The following FAM151A variants were observed in gnomAD, a reference collection of about 807,000 sequenced individuals.
The protein encoded by FAM151A is family with sequence similarity 151 member A.
In FAM151A, 41 loss-of-function variants were observed where a neutral mutation model predicts 40.4. That is an observed-to-expected ratio of 1.01 (90% CI 0.79 to 1.32). The LOEUF is 1.32. Ranked by LOEUF, FAM151A falls within the 40% of genes most tolerant of loss-of-function variation. The pLI is 0.00. For synonymous variants in FAM151A, 337 were observed against 312.5 expected (o/e 1.08, Z -0.83); for missense variants, 740 against 740.4 (o/e 1.00, Z 0.01).
chr1:54,617,585 G>A (rs528265109), intron 2 of FAM151A, among the ~76,000 whole-genome samples: 1 of 151,028 alleles, frequency 6.6e-6, no homozygotes, highest in Non-Finnish European at 1.5e-5. Context: ...TTCATCTCAC[G>A]TTCCACTCTC....
Position 54,614,802 on chromosome 1 carries a change from C to A in FAM151A, c.473G>T (p.Arg158Leu), listed in dbSNP as rs150113940. The change falls in exon 4 of 8, where the codon CGG (arginine) becomes CTG (leucine). Residue 158 changes from arginine (R) to leucine (L), a missense_variant. Transcript: ENST00000302250. The part of the protein sequence containing the change: ...KAVGPSLDLL[R>L]QLTEEGKVRR... ...GACTTTGCCTTCCTCTGTCAGCTGC[C>A]GCAGGAGGTCCAGGGAGGGGCCCAC... The A allele has an allele frequency of 2.5e-6, 4 of 1,614,058 alleles. No homozygotes were observed. The East Asian group carries it at 8.9e-5, about 36-fold the overall frequency.
chr1:54,609,716 AAGAGGCCAAGGCTGG>A lies in FAM151A; in HGVS notation c.1295_1309del (p.Ser432_Leu436del), dbSNP rs1557668302. 1 of 1,614,132 alleles carries A rather than the reference AAGAGGCCAAGGCTGG, an allele frequency of 6.2e-7. No homozygotes were observed. The highest frequency in any genetic ancestry group is 8.5e-7 in the Non-Finnish European group (1 of 1,180,008). On this transcript the variant is annotated inframe_deletion, in exon 8 of 8. Coordinates refer to ENST00000302250, the MANE Select transcript of FAM151A (RefSeq NM_176782.3). ...GGCCCCAACCCACACAGGCCAATGC[AAGAGGCCAAGGCTGG>A]AGAGGCGTGCCAGCAAGGCCAGGGA...
intron 6 of FAM151A, 28 bp downstream of exon 6, chr1:54,611,578 C>CA (rs1557669467): frequency 1.2e-6 from 2 of 1,612,022 alleles, no homozygotes; most frequent in Non-Finnish European, 1.7e-6. Context: ...ATCCAGCCCA[C>CA]ACCACCCTTC....
chr1:54,615,458 G>A (rs1035053433), intron 3 of FAM151A, among the ~76,000 whole-genome samples: 5 of 152,142 alleles, frequency 3.3e-5, no homozygotes, highest in African/African-American at 9.7e-5. Context: ...CTTCAGGTGC[G>A]TGTGTGTGGT....
chr1:54,617,437 G>T, intron 2 of FAM151A, among the ~76,000 whole-genome samples: 2 of 144,294 alleles, frequency 1.4e-5, no homozygotes, highest in South Asian at 2.2e-4. Context: ...TCCTAAATAT[G>T]TACCTGATCA....
chr1:54,620,739 C>T (rs1001438080), intron 1 of FAM151A, among the ~76,000 whole-genome samples: 1 of 148,304 alleles, frequency 6.7e-6, no homozygotes, highest in Non-Finnish European at 1.5e-5. Context: ...ATCCCAGCTA[C>T]TCGGGAGGCT....
chr1:54,615,732 G>A (rs1427730942), intron 3 of FAM151A, among the ~76,000 whole-genome samples: 2 of 152,200 alleles, frequency 1.3e-5, no homozygotes, highest in African/African-American at 4.8e-5. Context: ...CAGTTCTGTG[G>A]ATACAGGAGG....
chr1:54,618,034 C>T lies in FAM151A; in HGVS notation c.262+1830G>A, dbSNP rs560203082. Among the ~76,000 whole-genome samples the T allele has an allele frequency of 2.0e-5, 3 of 151,740 alleles. No homozygotes were observed. The South Asian group carries it at 6.3e-4, about 32-fold the overall frequency. The stretch of plus-strand genomic sequence containing the variant: ...GAGCCACCAGGCCTGGCCCGAGATT[C>T]TGCATTTTTAACACACTCCCCAGGG... On this transcript the variant is annotated intron_variant, in intron 2 of 7. Transcript: ENST00000302250.
chr1:54,615,994 G>A (rs755239601), intron 3 of FAM151A, 26 bp downstream of exon 3: 7 of 1,611,510 alleles, frequency 4.3e-6, no homozygotes, highest in Non-Finnish European at 5.9e-6. Context: ...CTGGGGGCCG[G>A]AGAGGGTTTC....
intron 6 of FAM151A, 139 bp from the exon 7 acceptor site, chr1:54,610,694 C>T: frequency 7.0e-7 from 1 of 1,422,452 alleles, no homozygotes; most frequent in Non-Finnish European, 9.2e-7. Context: ...CTCTCATTTC[C>T]TTGCCTTGTA....
rs762609678 is a variant in FAM151A, at chr1:54,610,538, G to A, written c.958C>T (p.Pro320Ser). 23 of 1,612,572 alleles carry A rather than the reference G, an allele frequency of 1.4e-5. No homozygotes were observed. The highest frequency in any genetic ancestry group is 6.6e-5 in the South Asian group (6 of 90,966). ...AGGCTGCCTCCCGTGTAGTACATTG[G>A]TTTCCGTGTGGCATTCACTGTGGGG... The part of the protein sequence containing the change: ...KQLALNATRK[P>S]MYYTGGSLIP... The change falls in exon 7 of 8, where the codon CCA (proline) becomes TCA (serine). Residue 320 changes from proline to serine, a missense_variant. Physicochemically the swap from Pro to Ser is moderately conservative, Grantham distance 74. Coordinates refer to ENST00000302250, the MANE Select transcript of FAM151A (RefSeq NM_176782.3).
chr1:54,610,118 G>A (rs1180021250), intron 7 of FAM151A, 177 bp from the exon 8 acceptor site: 3 of 1,434,042 alleles, frequency 2.1e-6, no homozygotes, highest in African/African-American at 2.9e-5. Flanking sequence ...TGTGCCTGGT[G>A]CATGAGAAAC....
chr1:54,614,024 C>G (rs1216762433), intron 4 of FAM151A, among the ~76,000 whole-genome samples: 1 of 152,210 alleles, frequency 6.6e-6, no homozygotes, highest in African/African-American at 2.4e-5. Flanking sequence ...CGGTGTTCTG[C>G]AAGTCAAGTG....
At position 54,623,441 on chromosome 1, in the gene FAM151A, T is replaced by C; in HGVS notation, c.-46A>G. On this transcript the variant is annotated 5_prime_UTR_variant, in exon 1 of 8. Coordinates refer to ENST00000302250, the MANE Select transcript of FAM151A (RefSeq NM_176782.3). ...GCCCCCAACTCCGTGCGGCCCAGAG[T>C]CCCTGAGGCTCCCTGCAGCTGGAAT... The C allele has an allele frequency of 7.3e-7, 1 of 1,369,514 alleles. No homozygotes were observed. Among genetic ancestry groups the C allele is most frequent in the South Asian group, 1.2e-5 (1 of 83,122 alleles). The allele number at this position is 1,369,514 out of a possible 1,614,324, so 84.8% of individuals were successfully genotyped here.
At chr1:54,613,788 G>T (rs2101017525) in intron 4 of FAM151A, among the ~76,000 whole-genome samples, 1 of 152,246 alleles carries the variant, frequency 6.6e-6, no homozygotes, top group East Asian at 1.9e-4. Flanking sequence ...TTTCCAAACT[G>T]CTATTTTTGG....
chr1:54,609,209 C>G lies in FAM151A; in HGVS notation c.*59G>C. On this transcript the variant is annotated 3_prime_UTR_variant, in exon 8 of 8. Coordinates refer to ENST00000302250, the MANE Select transcript of FAM151A (RefSeq NM_176782.3). ...AGAAAGCCAAAGACCTTTATTTCTTCCTGCCTCCCCGTGGGAAGCCTCCGC... is the reference window on the plus strand; with the variant it reads ...AGAAAGCCAAAGACCTTTATTTCTTGCTGCCTCCCCGTGGGAAGCCTCCGC... 1 of 1,590,744 alleles carries G rather than the reference C, an allele frequency of 6.3e-7. No homozygotes were observed. Among genetic ancestry groups the G allele is most frequent in the Non-Finnish European group, 8.6e-7 (1 of 1,167,048 alleles).
Position 54,609,752 on chromosome 1 carries a change from A to G in FAM151A, c.1274T>C (p.Leu425Pro). The G allele has an allele frequency of 6.2e-7, 1 of 1,614,186 alleles. No homozygotes were observed. Residue 425 changes from leucine to proline, a missense_variant, in exon 8 of 8, where the codon CTG (leucine) becomes CCG (proline). Coordinates refer to ENST00000302250, the MANE Select transcript of FAM151A (RefSeq NM_176782.3). ...IAEPAALRPS[L>P]ALLARLSSLG... The stretch of plus-strand genomic sequence containing the variant: ...GCTGGAGAGGCGTGCCAGCAAGGCC[A>G]GGGATGGCCGGAGGGCTGCGGGCTC...
intron 2 of FAM151A, among the ~76,000 whole-genome samples, chr1:54,618,667 C>T (rs955300718): frequency 1.3e-5 from 2 of 152,084 alleles, no homozygotes; most frequent in Middle Eastern, 3.2e-3. Flanking sequence ...AGCCCTGGTC[C>T]TCAGGAAGCC....
intron 2 of FAM151A, among the ~76,000 whole-genome samples, chr1:54,616,420 G>C (rs1048419136): frequency 1.3e-5 from 2 of 151,768 alleles, no homozygotes; most frequent in Non-Finnish European, 2.9e-5. Flanking sequence ...CTGGAGTGCA[G>C]TGGTGTGATC....
Sources: gnomAD v4.1 joint callset for allele counts (sites outside exome capture counted in the v4.1 genomes callset) on GRCh38, gnomAD v4.1.1 for gene constraint, MANE v1.5 for transcripts, NCBI Gene and HGNC (gene_info 2026-07-23, HGNC 2026-07-21) for gene names.